Variants in VWF observed in about 807,000 individuals in gnomAD.
VWF encodes Factor VIII related antigen.
VWF carries 176 observed loss-of-function variants against 308.6 expected under a neutral mutation model. That is an observed-to-expected ratio of 0.57 (90% CI 0.50 to 0.65). The LOEUF (loss-of-function observed/expected upper bound fraction) is 0.65, where lower values mean the gene tolerates loss of function less well. VWF is among the 30% of genes least tolerant of loss of function. The pLI, the probability that VWF is intolerant of heterozygous loss-of-function variation, is 0.00. For missense variants in VWF, 3,146 were observed against 3,648.2 expected (o/e 0.86, Z 3.55); for synonymous variants, 1,385 against 1,443.4 (o/e 0.96, Z 0.92).
intron 20 of VWF, among the ~76,000 whole-genome samples, chr12:6,034,357 C>T (rs1260907383): frequency 6.6e-6 from 1 of 152,196 alleles, no homozygotes; most frequent in East Asian, 1.9e-4. Context: ...GAGGCTGTGT[C>T]TACCAGAAGG....
intron 16 of VWF, among the ~76,000 whole-genome samples, chr12:6,050,792 C>A (rs578231613): frequency 6.6e-6 from 1 of 152,034 alleles, no homozygotes; most frequent in South Asian, 2.1e-4. Flanking sequence ...CCCGTCTCTA[C>A]TAAAATACAA....
chr12:6,016,288 G>T, intron 30 of VWF, 56 bp from the exon 31 acceptor site: 1 of 1,612,542 alleles, frequency 6.2e-7, no homozygotes, highest in Non-Finnish European at 8.5e-7. Context: ...TCGACACCCT[G>T]TCTTAACGGT....
At chr12:6,120,507 T>C (rs1384030964) in intron 3 of VWF, among the ~76,000 whole-genome samples, 1 of 152,168 alleles carries the variant, frequency 6.6e-6, no homozygotes, top group Non-Finnish European at 1.5e-5. Flanking sequence ...TTCACCATGT[T>C]GGCCAGGCTG....
At position 6,025,977 on chromosome 12, in the gene VWF, G is replaced by C; in HGVS notation, c.3037C>G (p.Gln1013Glu). The stretch of plus-strand genomic sequence containing the variant: ...AAGTCCACAGGGTCTTCCTCCACTT[G>C]GAGGTTGCTGCTGGTGAGGTCATTG... ...QNNDLTSSNLQVEEDPVDFGN... is the reference protein window; with the variant it reads ...QNNDLTSSNLEVEEDPVDFGN... Residue 1013 changes from glutamine to glutamate, a missense_variant, in exon 23 of 52, where the codon CAA becomes GAA. Physicochemically the swap from Gln to Glu is conservative, Grantham distance 29 (BLOSUM62 2). This residue lies in a region of VWF where 1,304 missense variants were observed against 1,353.0 expected (regional missense o/e 0.96). Coordinates refer to ENST00000261405, the MANE Select transcript of VWF (RefSeq NM_000552.5). The C allele has an allele frequency of 6.2e-7, 1 of 1,613,984 alleles. No homozygotes were observed. Among genetic ancestry groups the C allele is most frequent in the Non-Finnish European group, 8.5e-7 (1 of 1,179,878 alleles).
At chr12:6,057,627 TC>T (rs1441465755) in intron 14 of VWF, among the ~76,000 whole-genome samples, 1 of 149,728 alleles carries the variant, frequency 6.7e-6, no homozygotes. Flanking sequence ...TTTTTTTCTT[TC>T]CCGGGGGTTG....
chr12:5,972,936 G>A (rs941527595), intron 43 of VWF, among the ~76,000 whole-genome samples: 2 of 152,190 alleles, frequency 1.3e-5, no homozygotes, highest in African/African-American at 4.8e-5. Context: ...GGGATCTGCT[G>A]TCATTCTCGT....
At chr12:5,967,735 C>A in intron 46 of VWF, 133 bp from the exon 47 acceptor site, 1 of 830,100 alleles carries the variant, frequency 1.2e-6, no homozygotes, top group Non-Finnish European at 2.0e-6. Context: ...CTCCTGTCTC[C>A]TATGGCCCAC....
chr12:6,051,573 CA>C (rs1016645018), intron 16 of VWF, among the ~76,000 whole-genome samples: 4 of 152,110 alleles, frequency 2.6e-5, no homozygotes, highest in African/African-American at 9.7e-5. Context: ...TGTGCCTGGC[CA>C]ATCAGGATGT....
chr12:6,071,154 G>T, intron 10 of VWF, 143 bp downstream of exon 10: 1 of 876,382 alleles, frequency 1.1e-6, no homozygotes. Context: ...AACCAGAGCT[G>T]GGGTCACGTG....
At chr12:6,095,755 C>T (rs1213756514) in intron 5 of VWF, 171 bp from the exon 6 acceptor site, 2 of 857,726 alleles carry the variant, frequency 2.3e-6, no homozygotes, top group Non-Finnish European at 3.7e-6. Context: ...TTCACAAGTG[C>T]AATCCCACTA....
chr12:5,996,401 C>T (rs116227325), intron 34 of VWF, among the ~76,000 whole-genome samples, 179 bp from the exon 35 acceptor site: 102 of 152,238 alleles, frequency 6.7e-4, no homozygotes, highest in African/African-American at 2.2e-3. Flanking sequence ...AACTGGGGCT[C>T]TGAGAGGTAG....
At chr12:6,107,366 C>T (rs1329536249) in intron 5 of VWF, among the ~76,000 whole-genome samples, 2 of 152,192 alleles carry the variant, frequency 1.3e-5, no homozygotes, top group Non-Finnish European at 2.9e-5. Context: ...TTTGCGAAAA[C>T]TCAGAGAACT....
At chr12:6,057,136 T>G (rs1944589035) in intron 14 of VWF, 64 bp from the exon 15 acceptor site, 7 of 1,425,232 alleles carry the variant, frequency 4.9e-6, no homozygotes, top group African/African-American at 1.4e-5. Flanking sequence ...GCCCTCCCGG[T>G]CAACACTCCC....
At chr12:5,963,159 A>G (rs1943338740) in intron 47 of VWF, among the ~76,000 whole-genome samples, 1 of 152,254 alleles carries the variant, frequency 6.6e-6, no homozygotes, top group South Asian at 2.1e-4. Context: ...TCTGATCTTC[A>G]AAAGACACAA....
intron 10 of VWF, among the ~76,000 whole-genome samples, chr12:6,068,226 C>A (rs984363531): frequency 1.3e-5 from 2 of 151,908 alleles, no homozygotes; most frequent in Admixed American, 6.6e-5. Flanking sequence ...CAAAACGGAA[C>A]CTCTCACCTA....
At chr12:6,010,269 G>A (rs2363330) in intron 34 of VWF, among the ~76,000 whole-genome samples, 1 of 152,132 alleles carries the variant, frequency 6.6e-6, no homozygotes. Context: ...CAAGTACACT[G>A]AGATACTATT....
chr12:5,964,317 C>G (rs1466741341), intron 47 of VWF, among the ~76,000 whole-genome samples: 1 of 127,832 alleles, frequency 7.8e-6, no homozygotes, highest in Non-Finnish European at 1.7e-5. Context: ...TACCAAGCTA[C>G]CATCTACTGT....
At chr12:6,100,839 A>G (rs1488912734) in intron 5 of VWF, among the ~76,000 whole-genome samples, 1 of 152,160 alleles carries the variant, frequency 6.6e-6, no homozygotes, top group Non-Finnish European at 1.5e-5. Flanking sequence ...ACATGTATAC[A>G]TATGTAACTA....
At chr12:6,106,284 C>A (rs1945242767) in intron 5 of VWF, among the ~76,000 whole-genome samples, 1 of 152,054 alleles carries the variant, frequency 6.6e-6, no homozygotes, top group African/African-American at 2.4e-5. Context: ...CTGACATACA[C>A]CACAACATGA....
Sources: gnomAD v4.1 joint callset for allele counts (sites outside exome capture counted in the v4.1 genomes callset) on GRCh38, gnomAD v4.1.1 for gene constraint, gnomAD v4.1.1 regional missense constraint, MANE v1.5 for transcripts, NCBI Gene and HGNC (gene_info 2026-07-23, HGNC 2026-07-21) for gene names.